The following NPAS2 variants were observed in gnomAD, a reference collection of about 807,000 sequenced individuals.
NPAS2 encodes the protein neuronal PAS domain protein 2, also known as neuronal PAS domain-containing protein 2.
In NPAS2, 23 loss-of-function variants were observed where a neutral mutation model predicts 107.5. The observed-to-expected ratio is 0.21, with a 90% CI of 0.15 to 0.30. The LOEUF (loss-of-function observed/expected upper bound fraction) is 0.30, where lower values mean the gene tolerates loss of function less well. Ranked by LOEUF, NPAS2 falls within the 10% of genes least tolerant of loss-of-function variation. NPAS2 has a pLI of 1.00. For synonymous variants in NPAS2, 403 were observed against 417.5 expected, an observed-to-expected ratio of 0.97 and a Z score of 0.42; for missense variants, 756 against 1,043.3, an observed-to-expected ratio of 0.72 and a Z score of 3.79.
intron 1 of NPAS2, among the ~76,000 whole-genome samples, chr2:100,894,585 A>G (rs1328404567): frequency 6.6e-6 from 1 of 152,246 alleles, no homozygotes. Flanking sequence ...GTTGCAAACC[A>G]TGCATAATAG....
Position 100,885,105 on chromosome 2 carries a change from C to T in NPAS2, c.-22-19628C>T, listed in dbSNP as rs185753952. 2.9e-3 allele frequency among the ~76,000 whole-genome samples: 434 copies of T among 152,072 alleles called. 3 individuals are homozygous for T. The highest frequency in any genetic ancestry group is 4.8e-3 in the Non-Finnish European group (328 of 67,972). On this transcript the variant is annotated intron_variant, in intron 1 of 20. Coordinates refer to ENST00000335681, the MANE Select transcript of NPAS2 (RefSeq NM_002518.4). Reference sequence around the variant, plus strand: ...CTGGGACTACAGGTGCCCACCAGCACGCCCAGCTAATTTTTTTTGTATTTT... The same window carrying T: ...CTGGGACTACAGGTGCCCACCAGCATGCCCAGCTAATTTTTTTTGTATTTT...
At chr2:100,839,422 C>A (rs1677260571) in intron 1 of NPAS2, among the ~76,000 whole-genome samples, 1 of 152,156 alleles carries the variant, frequency 6.6e-6, no homozygotes, top group African/African-American at 2.4e-5. Context: ...AGCCACCGCG[C>A]CTGGCCTGAG....
rs930253863 is a variant in NPAS2 at position 100,820,642 on chromosome 2, A to G, written c.-23+228A>G. Among the ~76,000 whole-genome samples the G allele has an allele frequency of 2.0e-5, 3 of 152,036 alleles. No homozygotes were observed. The highest frequency in any genetic ancestry group is 2.9e-5 in the Non-Finnish European group (2 of 67,976). ...GCTTCGCGTCCTGCAGGAGGTAGCA[A>G]TCGCTGGGCCGGTGGGCTCCGGGCG... On this transcript the variant is annotated intron_variant, in intron 1 of 20. Transcript: ENST00000335681. This position sits in a 1 kb window ranked among gnomAD's most constrained non-coding sequence, Gnocchi z 5.6.
chr2:100,975,442 C>T lies in NPAS2; in HGVS notation c.1283-16C>T, dbSNP rs368964661. The T allele has an allele frequency of 1.1e-5, 18 of 1,605,200 alleles. No individual in the cohort carries two copies. Among genetic ancestry groups the T allele is most frequent in the East Asian group, 2.2e-5 (1 of 44,514 alleles). ...AGTACATGGAAGTTAGAAGGTCATT[C>T]GTTGCTTTCTTACAGCCACTCCCAC... On this transcript the variant is annotated splice_polypyrimidine_tract_variant and intron_variant, in intron 13 of 20. Transcript: ENST00000335681.
intron 1 of NPAS2, chr2:100,878,737 T>C (rs992266340): frequency 5.1e-6 from 2 of 390,856 alleles, no homozygotes; most frequent in African/African-American, 2.2e-5. Context: ...GTTTACTTGT[T>C]TGAAATTCAT....
Position 100,965,850 on chromosome 2 carries a change from G to A in NPAS2, c.907+84G>A, listed in dbSNP as rs1037774025. The A allele has an allele frequency of 1.3e-5, 11 of 827,872 alleles. No homozygotes were observed. Among genetic ancestry groups the A allele is most frequent in the Non-Finnish European group, 2.2e-5 (11 of 500,722 alleles). The allele number at this position is 827,872 out of a possible 1,614,324, so 51.3% of individuals were successfully genotyped here. On this transcript the variant is annotated intron_variant, in intron 10 of 20. Coordinates refer to ENST00000335681, the MANE Select transcript of NPAS2 (RefSeq NM_002518.4). This position sits in a 1 kb window ranked among gnomAD's most constrained non-coding sequence, Gnocchi z 4.3. Reference sequence around the variant, plus strand: ...GCAGCAGGGCTCTGGGACTCCAGAAGCCTCTGCTCGTTACCTGGTTTCTTT... The same window carrying A: ...GCAGCAGGGCTCTGGGACTCCAGAAACCTCTGCTCGTTACCTGGTTTCTTT...
chr2:100,987,395 G>GAGAT (rs1677841377), intron 16 of NPAS2: 1 of 152,228 alleles, frequency 6.6e-6, no homozygotes, highest in South Asian at 2.1e-4. Flanking sequence ...ACAAAACACA[G>GAGAT]AGATGATCAT....
chr2:100,885,701 G>A (rs1486660578), intron 1 of NPAS2, among the ~76,000 whole-genome samples: 1 of 152,168 alleles, frequency 6.6e-6, no homozygotes, highest in Non-Finnish European at 1.5e-5. Flanking sequence ...ATGAGATGGA[G>A]TCTTGCTCTG....
At chr2:100,831,876 A>G (rs997674128) in intron 1 of NPAS2, among the ~76,000 whole-genome samples, 3 of 152,002 alleles carry the variant, frequency 2.0e-5, no homozygotes, top group Non-Finnish European at 4.4e-5. Flanking sequence ...TGCATTTTAC[A>G]TCTCCTTCCT....
chr2:100,841,518 G>A (rs1443883349), intron 1 of NPAS2, among the ~76,000 whole-genome samples: 7 of 152,198 alleles, frequency 4.6e-5, no homozygotes, highest in Admixed American at 3.3e-4. Flanking sequence ...TGGAGAAAGT[G>A]TTAAAACAAG....
At position 100,820,936 on chromosome 2, in the gene NPAS2, C is replaced by A; in HGVS notation, c.-23+522C>A. On this transcript the variant is annotated intron_variant, in intron 1 of 20. Coordinates refer to ENST00000335681, the MANE Select transcript of NPAS2 (RefSeq NM_002518.4). This position sits in a 1 kb window ranked among gnomAD's most constrained non-coding sequence, Gnocchi z 5.6. ...GGCCGGATTGGGTGCGGAATCGGTG[C>A]CCCCAACCCCCGTGTGCGCAGACAG... 1.3e-6 allele frequency: 1 copy of A among 784,706 alleles called. No individual in the cohort carries two copies. The highest frequency in any genetic ancestry group is 1.8e-6 in the Non-Finnish European group (1 of 555,634). The allele number at this position is 784,706 out of a possible 1,614,324, so 48.6% of individuals were successfully genotyped here. A position where few individuals can be genotyped will look rare whatever the true frequency, so the allele number is the denominator to read the frequency against.
intron 7 of NPAS2, among the ~76,000 whole-genome samples, chr2:100,963,123 A>G (rs1049748183): frequency 5.3e-5 from 8 of 152,356 alleles, no homozygotes; most frequent in Middle Eastern, 3.4e-3. Flanking sequence ...GGTGACCCCT[A>G]AATCCTGAGC....
intron 1 of NPAS2, among the ~76,000 whole-genome samples, chr2:100,852,205 G>T (rs1040428090): frequency 6.6e-6 from 1 of 151,968 alleles, no homozygotes; most frequent in African/African-American, 2.4e-5. Flanking sequence ...GACCATCCTG[G>T]CTAACACGGT....
chr2:100,990,113 A>G, intron 17 of NPAS2, 143 bp from the exon 18 acceptor site: 1 of 752,116 alleles, frequency 1.3e-6, no homozygotes, highest in Non-Finnish European at 2.3e-6. Flanking sequence ...ACAGTCACAG[A>G]TCAAAGTAAT....
chr2:100,950,055 T>A (rs1675132748), intron 7 of NPAS2, among the ~76,000 whole-genome samples: 1 of 152,252 alleles, frequency 6.6e-6, no homozygotes, highest in East Asian at 1.9e-4. Context: ...AACCAAACTC[T>A]GGCTACAGAG....
At chr2:100,961,764 G>A (rs1165694117) in intron 7 of NPAS2, among the ~76,000 whole-genome samples, 2 of 152,138 alleles carry the variant, frequency 1.3e-5, no homozygotes, top group Non-Finnish European at 2.9e-5. Flanking sequence ...AGTGAATCAG[G>A]GGAAGGCATT....
intron 3 of NPAS2, among the ~76,000 whole-genome samples, chr2:100,926,814 T>C (rs993765679): frequency 6.6e-6 from 1 of 152,158 alleles, no homozygotes; most frequent in Admixed American, 6.5e-5. Context: ...GTCAAATTTA[T>C]TTTTTTCTTT....
intron 3 of NPAS2, among the ~76,000 whole-genome samples, chr2:100,931,871 T>A (rs897144363): frequency 6.6e-6 from 1 of 152,190 alleles, no homozygotes; most frequent in Non-Finnish European, 1.5e-5. Flanking sequence ...GCATTCCTCA[T>A]GCGCCACGTA....
intron 15 of NPAS2, among the ~76,000 whole-genome samples, chr2:100,980,144 G>A (rs1400056339): frequency 6.6e-6 from 1 of 152,160 alleles, no homozygotes; most frequent in Non-Finnish European, 1.5e-5. Context: ...ATGATGGGGT[G>A]TCTGGGAGGC....
Sources: allele counts gnomAD v4.1 joint callset (sites outside exome capture counted in the v4.1 genomes callset), GRCh38; gene constraint gnomAD v4.1.1; non-coding constraint Gnocchi (gnomAD v3.1); transcripts MANE v1.5; gene names NCBI Gene and HGNC (gene_info 2026-07-23, HGNC 2026-07-21).